Variants in JMJD1C observed in about 807,000 individuals in gnomAD.
JMJD1C encodes jumonji domain-containing protein 1C.
JMJD1C carries 31 observed loss-of-function variants against 245.3 expected under a neutral mutation model. The ratio of observed to expected loss-of-function variants is 0.13; its 90% confidence interval spans 0.09 to 0.17. The LOEUF (loss-of-function observed/expected upper bound fraction) is 0.17, where lower values mean the gene tolerates loss of function less well. Ranked by LOEUF, JMJD1C falls within the 10% of genes least tolerant of loss-of-function variation. JMJD1C has a pLI of 1.00. For synonymous variants in JMJD1C, 1,057 were observed against 1,017.4 expected, an observed-to-expected ratio of 1.04 and a Z score of -0.74; for missense variants, 2,691 against 3,000.2, an observed-to-expected ratio of 0.90 and a Z score of 2.41.
In JMJD1C at chr10:63,242,259, A is replaced by G. The variant is rs189067234; in HGVS notation, c.448-22276T>C. Among the ~76,000 whole-genome samples the G allele has an allele frequency of 1.5e-4, 23 of 152,360 alleles. No individual in the cohort carries two copies. In the East Asian group the frequency reaches 4.0e-3, roughly 27 times the overall value. On this transcript the variant is annotated intron_variant, in intron 3 of 25. Coordinates refer to ENST00000399262, the MANE Select transcript of JMJD1C (RefSeq NM_032776.3). ...TAAGTGGTTGAGAAGAATTTTCTAC[A>G]GCATAAATGGTATATACATGCACTG... is the stretch of plus-strand genomic sequence containing the variant.
Position 63,207,487 on chromosome 10 carries a change from G to T in JMJD1C, c.4182C>A (p.Thr1394=). ...CAGCAGATGTGATTACATCCGTTTT[G>T]GTATTACACATCGTATTTACAGCAG... ...VMSAVNTMCN[T]KTDVITSAAD... The change falls in exon 10 of 26, where the codon ACC becomes ACA. Residue 1394 remains threonine (T), a synonymous_variant. Transcript: ENST00000399262. 1 of 1,614,130 alleles carries T rather than the reference G, an allele frequency of 6.2e-7. No homozygotes were observed. The highest frequency in any genetic ancestry group is 8.5e-7 in the Non-Finnish European group (1 of 1,180,020).
chr10:63,390,496 A>G (rs1947969865), intron 1 of JMJD1C, among the ~76,000 whole-genome samples: 2 of 152,190 alleles, frequency 1.3e-5, no homozygotes, highest in South Asian at 4.1e-4. Flanking sequence ...AAAAAACTGA[A>G]GAGGAGGGAA....
chr10:63,498,744 A>G (rs1216308773), intron 1 of JMJD1C, among the ~76,000 whole-genome samples: 2 of 152,124 alleles, frequency 1.3e-5, no homozygotes, highest in African/African-American at 4.8e-5. Flanking sequence ...TATGAGATCT[A>G]CCTTCTTAAC....
chr10:63,464,815 CCTTT>C (rs954091908), intron 1 of JMJD1C, among the ~76,000 whole-genome samples: 1 of 152,080 alleles, frequency 6.6e-6, no homozygotes, highest in Non-Finnish European at 1.5e-5. Context: ...AAGAACTATA[CCTTT>C]CTAACAAGAA....
In JMJD1C at chr10:63,213,535, A is replaced by C; in HGVS notation, c.2632T>G (p.Leu878Val). The part of the protein sequence containing the change: ...NGTHAYSGLG[L>V]PSSKWVHPEN... ...GGGTGAACCCACTTAGAAGAAGGCA[A>C]ACCAAGTCCTGAGTATGCATGTGTT... The change falls in exon 8 of 26, where the codon TTG (leucine) becomes GTG (valine). Residue 878 changes from leucine (L) to valine (V), a missense_variant. Physicochemically the swap from Leu to Val is conservative, Grantham distance 32 (BLOSUM62 1). This residue lies in a region of JMJD1C where 1,562 missense variants were observed against 1,490.7 expected (regional missense o/e 1.05). Transcript: ENST00000399262. 6.2e-7 allele frequency: 1 copy of C among 1,610,260 alleles called. No individual in the cohort carries two copies. The highest frequency in any genetic ancestry group is 8.5e-7 in the Non-Finnish European group (1 of 1,176,652).
intron 2 of JMJD1C, among the ~76,000 whole-genome samples, chr10:63,358,387 A>C (rs1945043442): frequency 6.9e-6 from 1 of 145,948 alleles, no homozygotes; most frequent in South Asian, 2.2e-4. Flanking sequence ...ATAACAATTT[A>C]AGAAATGGGG....
At chr10:63,215,835 G>A (rs1487802917) in intron 5 of JMJD1C, 139 bp from the exon 6 acceptor site, 1 of 561,472 alleles carries the variant, frequency 1.8e-6, no homozygotes, top group Non-Finnish European at 2.9e-6. Context: ...ATAATAATTT[G>A]TTTTATTCAC....
At chr10:63,193,254 T>C in intron 15 of JMJD1C, 91 bp downstream of exon 15, 1 of 1,471,238 alleles carries the variant, frequency 6.8e-7, no homozygotes, top group South Asian at 1.2e-5. Flanking sequence ...ACCTAATTCA[T>C]ACATAAGTCC....
intron 2 of JMJD1C, among the ~76,000 whole-genome samples, chr10:63,345,640 G>A (rs1378928656): frequency 6.6e-6 from 1 of 152,112 alleles, no homozygotes; most frequent in Non-Finnish European, 1.5e-5. Context: ...GAAAAATGCA[G>A]AAACTAGCCA....
chr10:63,303,373 T>C (rs1020359181), intron 2 of JMJD1C, among the ~76,000 whole-genome samples: 1 of 152,140 alleles, frequency 6.6e-6, no homozygotes, highest in Non-Finnish European at 1.5e-5. Flanking sequence ...TGGTGCAACC[T>C]TGACTCACTG....
chr10:63,465,478 G>A lies in JMJD1C; in HGVS notation c.168+17C>T, dbSNP rs1402619570. 2 of 1,585,342 alleles carry A rather than the reference G, an allele frequency of 1.3e-6. No individual in the cohort carries two copies. The highest frequency in any genetic ancestry group is 1.3e-5 in the African/African-American group (1 of 74,562). ...TGCGGGCGCGGCAGGGGAAAAGGGG[G>A]GCGCTGACTCTCTTACCGCCAGGTC... On this transcript the variant is annotated intron_variant, in intron 1 of 25. Transcript: ENST00000399262.
intron 3 of JMJD1C, among the ~76,000 whole-genome samples, chr10:63,237,299 A>G (rs968860590): frequency 5.3e-5 from 8 of 152,194 alleles, no homozygotes; most frequent in African/African-American, 1.9e-4. Context: ...TGGCCTCCCA[A>G]AGAGCTGGGA....
intron 2 of JMJD1C, among the ~76,000 whole-genome samples, chr10:63,305,826 G>C (rs995714484): frequency 6.6e-6 from 1 of 151,914 alleles, no homozygotes. Flanking sequence ...TTGAACTCCT[G>C]GGCTCAAGTG....
At chr10:63,196,277 A>G (rs1227652624) in intron 13 of JMJD1C, among the ~76,000 whole-genome samples, 2 of 152,118 alleles carry the variant, frequency 1.3e-5, no homozygotes, top group Non-Finnish European at 2.9e-5. Flanking sequence ...GAAAAAGAAA[A>G]AGAGAAAGAA....
intron 1 of JMJD1C, among the ~76,000 whole-genome samples, chr10:63,437,971 G>T (rs559038833): frequency 6.6e-6 from 1 of 151,964 alleles, no homozygotes; most frequent in South Asian, 2.1e-4. Flanking sequence ...TAACACTTAG[G>T]TATGTTCTAT....
At chr10:63,488,847 G>T (rs550413305) in intron 1 of JMJD1C, among the ~76,000 whole-genome samples, 6 of 152,170 alleles carry the variant, frequency 3.9e-5, no homozygotes, top group African/African-American at 1.4e-4. Flanking sequence ...TCTTATTCTG[G>T]GTGCTGTTTA....
chr10:63,283,872 G>A (rs776361803), intron 2 of JMJD1C, among the ~76,000 whole-genome samples: 7 of 152,094 alleles, frequency 4.6e-5, no homozygotes, highest in Admixed American at 2.6e-4. Flanking sequence ...AGTAGTCATG[G>A]AAATATGCAT....
intron 2 of JMJD1C, among the ~76,000 whole-genome samples, chr10:63,356,352 T>C (rs1017070020): frequency 6.6e-6 from 1 of 152,246 alleles, no homozygotes; most frequent in African/African-American, 2.4e-5. Flanking sequence ...TCTGTAATGA[T>C]TTCTTCATCA....
chr10:63,354,725 TAGAC>T (rs752672286), intron 2 of JMJD1C, among the ~76,000 whole-genome samples: 10 of 151,898 alleles, frequency 6.6e-5, no homozygotes, highest in South Asian at 4.2e-4. Context: ...GAATTAAAAA[TAGAC>T]AGCAGCTGCG....
Sources: allele counts gnomAD v4.1 joint callset (sites outside exome capture counted in the v4.1 genomes callset), GRCh38; gene constraint gnomAD v4.1.1; regional missense constraint gnomAD v4.1.1; transcripts MANE v1.5; gene names NCBI Gene and HGNC (gene_info 2026-07-23, HGNC 2026-07-21).